Variants in CAV3 observed in about 807,000 individuals in gnomAD.
CAV3 encodes the protein caveolin 3, also known as caveolin-3.
In CAV3, 10 loss-of-function variants were observed where a neutral mutation model predicts 13.4. The observed-to-expected ratio is 0.75, with a 90% CI of 0.46 to 1.27. CAV3 has a LOEUF of 1.27. Among genes scored for constraint, CAV3 ranks in the 50% most tolerant of loss-of-function variants. The pLI is 0.00. For synonymous variants in CAV3, 90 were observed against 79.0 expected (o/e 1.14, Z -0.74); for missense variants, 162 against 194.0 (o/e 0.83, Z 0.98).
At chr3:8,738,930 T>C (rs1231108785) in intron 1 of CAV3, among the ~76,000 whole-genome samples, 2 of 152,166 alleles carry the variant, frequency 1.3e-5, no homozygotes, top group Admixed American at 1.3e-4. Context: ...AGAAGAATAA[T>C]GAACTATCGA....
rs905333301 is a variant in CAV3, at chr3:8,746,075, C to T, written c.*208C>T. The T allele has an allele frequency of 5.2e-5, 29 of 559,656 alleles. No homozygotes were observed. Among genetic ancestry groups the T allele is most frequent in the Non-Finnish European group, 8.9e-5 (28 of 313,044 alleles). 34.7% of individuals were successfully genotyped at this position (559,656 alleles called of 1,614,324 possible). A position where few individuals can be genotyped will look rare whatever the true frequency, so the allele number is the denominator to read the frequency against. ...GGCCCTTCGCTCTCCCCCAGCCCCA[C>T]CATGATGCCCCCATGCCTGGGCGTG... On this transcript the variant is annotated 3_prime_UTR_variant, in exon 2 of 2. Transcript: ENST00000343849.
At chr3:8,737,636 C>A (rs141021324) in intron 1 of CAV3, among the ~76,000 whole-genome samples, 69 of 152,304 alleles carry the variant, frequency 4.5e-4, no homozygotes, top group African/African-American at 1.6e-3. Context: ...AGCACACCCC[C>A]ATTTCTGTTG....
chr3:8,738,097 C>T (rs139067703), intron 1 of CAV3, among the ~76,000 whole-genome samples: 2 of 152,012 alleles, frequency 1.3e-5, no homozygotes, highest in African/African-American at 4.8e-5. Context: ...TCTTGACTCA[C>T]ACATAGGCCC....
intron 1 of CAV3, among the ~76,000 whole-genome samples, chr3:8,737,464 G>T (rs1218775381): frequency 2.0e-5 from 3 of 152,160 alleles, no homozygotes; most frequent in Non-Finnish European, 4.4e-5. Flanking sequence ...CCCCAGTAGA[G>T]GGGAGGCACC....
chr3:8,734,555 G>T (rs866549223), intron 1 of CAV3, among the ~76,000 whole-genome samples: 9 of 152,106 alleles, frequency 5.9e-5, no homozygotes, highest in African/African-American at 2.2e-4. Flanking sequence ...GGACAGGGCA[G>T]ACGGCACCCG....
intron 1 of CAV3, among the ~76,000 whole-genome samples, chr3:8,739,893 G>A (rs1277410241): frequency 6.6e-6 from 1 of 152,204 alleles, no homozygotes; most frequent in Non-Finnish European, 1.5e-5. Context: ...TGCAGCTACA[G>A]TCAGATGGTG....
In CAV3 at chr3:8,746,029, G is replaced by A; in HGVS notation, c.*162G>A. The A allele has an allele frequency of 1.6e-6, 1 of 613,756 alleles. No individual in the cohort carries two copies. The highest frequency in any genetic ancestry group is 2.8e-6 in the Non-Finnish European group (1 of 352,494). 38.0% of individuals were successfully genotyped at this position (613,756 alleles called of 1,614,324 possible). ...GTAGGGAAGCCAGAAAGAAAAGACGGCCCAGCCACAGAAGCACAATGGCCC... is the reference window on the plus strand; with the variant it reads ...GTAGGGAAGCCAGAAAGAAAAGACGACCCAGCCACAGAAGCACAATGGCCC... On this transcript the variant is annotated 3_prime_UTR_variant, in exon 2 of 2. Transcript: ENST00000343849.
rs887825910 is a variant in CAV3, at chr3:8,742,346, G to C, written c.115-3180G>C. The stretch of plus-strand genomic sequence containing the variant: ...AATAATTCAAATGTTAGCACCAATG[G>C]CTTCTGCAAACACCAAAAAAAAAAA... On this transcript the variant is annotated intron_variant, in intron 1 of 1. Transcript: ENST00000343849. 4.9e-5 allele frequency: 14 copies of C among 283,612 alleles called. No homozygotes were observed. In the Admixed American group the frequency reaches 6.6e-4, roughly 13 times the overall value. The allele number at this position is 283,612 out of a possible 1,614,324, so 17.6% of individuals were successfully genotyped here.
intron 1 of CAV3, among the ~76,000 whole-genome samples, chr3:8,743,048 C>T (rs1424945930): frequency 6.6e-6 from 1 of 151,962 alleles, no homozygotes; most frequent in Non-Finnish European, 1.5e-5. Flanking sequence ...AGCAAGAGAG[C>T]TGCCGGGTTC....
chr3:8,745,842 AGGT>A lies in CAV3; in HGVS notation c.436_438del (p.Val146del). On this transcript the variant is annotated inframe_deletion, in exon 2 of 2. Transcript: ENST00000343849. This position sits in a 1 kb window ranked among gnomAD's most constrained non-coding sequence, Gnocchi z 4.8. ...CTGGGCCAGGTCTGCAGCAGCATCA[AGGT>A]GGTGCTGCGGAAGGAGGTCTAAAGC... 2 of 1,613,038 alleles carry A rather than the reference AGGT, an allele frequency of 1.2e-6. No homozygotes were observed. The highest frequency in any genetic ancestry group is 1.7e-6 in the Non-Finnish European group (2 of 1,179,734).
intron 1 of CAV3, among the ~76,000 whole-genome samples, chr3:8,744,271 T>A (rs2124986580): frequency 6.9e-6 from 1 of 144,350 alleles, no homozygotes; most frequent in African/African-American, 2.7e-5. Context: ...AATTGACCAG[T>A]GGAATTTTTT....
chr3:8,746,152 G>A lies in CAV3; in HGVS notation c.*285G>A, dbSNP rs529652431. 1.3e-4 allele frequency: 53 copies of A among 400,394 alleles called. No individual in the cohort carries two copies. Among genetic ancestry groups the A allele is most frequent in the African/African-American group, 8.7e-4 (44 of 50,458 alleles). The allele number at this position is 400,394 out of a possible 1,614,324, so 24.8% of individuals were successfully genotyped here. A position where few individuals can be genotyped will look rare whatever the true frequency, so the allele number is the denominator to read the frequency against. ...CTACTGCAAGTCTTTGCGTTCACTT[G>A]TACTGTAACAACATAAACCAGCACG... On this transcript the variant is annotated 3_prime_UTR_variant, in exon 2 of 2. Transcript: ENST00000343849.
chr3:8,741,831 C>T (rs976391423), intron 1 of CAV3, among the ~76,000 whole-genome samples: 1 of 152,176 alleles, frequency 6.6e-6, no homozygotes, highest in African/African-American at 2.4e-5. Flanking sequence ...ACCTTCCCCG[C>T]CCTCTCAGAG....
intron 1 of CAV3, among the ~76,000 whole-genome samples, chr3:8,738,520 C>G (rs866289770): frequency 6.6e-5 from 10 of 152,170 alleles, no homozygotes; most frequent in African/African-American, 2.4e-4. Context: ...GGAGAAGGAG[C>G]TGAACACCGT....
In CAV3 at chr3:8,745,283, T is replaced by C. The variant is rs1397573960; in HGVS notation, c.115-243T>C. Among the ~76,000 whole-genome samples the C allele has an allele frequency of 6.6e-6, 1 of 152,166 alleles. No homozygotes were observed. The highest frequency in any genetic ancestry group is 1.5e-5 in the Non-Finnish European group (1 of 68,026). On this transcript the variant is annotated intron_variant, in intron 1 of 1. Transcript: ENST00000343849. The surrounding 1 kb of genome is among the most constrained non-coding windows in gnomAD (Gnocchi z 4.8). ...GCGGCCTCACCTGAAGCCAAGCAGATGCCAGCACCATGATTCCTGCACAGA... is the reference window on the plus strand; with the variant it reads ...GCGGCCTCACCTGAAGCCAAGCAGACGCCAGCACCATGATTCCTGCACAGA...
At chr3:8,736,313 C>G (rs1707752727) in intron 1 of CAV3, among the ~76,000 whole-genome samples, 1 of 152,188 alleles carries the variant, frequency 6.6e-6, no homozygotes, top group Non-Finnish European at 1.5e-5. Context: ...CAAAGCAGCA[C>G]TGTGCGTTAG....
rs1465452862 is a variant in CAV3 at position 8,745,895 on chromosome 3, G to A, written c.*28G>A. On this transcript the variant is annotated 3_prime_UTR_variant, in exon 2 of 2. Coordinates refer to ENST00000343849, the MANE Select transcript of CAV3 (RefSeq NM_033337.3). This position sits in a 1 kb window ranked among gnomAD's most constrained non-coding sequence, Gnocchi z 4.8. ...CCAGGTGGGGCAACAGCGGTGGCAG[G>A]GCAGGGGGTGGTGGGCCAGACTGGT... 6.3e-7 allele frequency: 1 copy of A among 1,590,384 alleles called. No individual in the cohort carries two copies.
At chr3:8,737,819 C>T (rs1707810944) in intron 1 of CAV3, among the ~76,000 whole-genome samples, 1 of 151,966 alleles carries the variant, frequency 6.6e-6, no homozygotes, top group African/African-American at 2.4e-5. Context: ...GGGCTCTCAG[C>T]TCACCAGCAG....
At chr3:8,744,489 G>T (rs1424413319) in intron 1 of CAV3, among the ~76,000 whole-genome samples, 2 of 142,200 alleles carry the variant, frequency 1.4e-5, no homozygotes, top group Non-Finnish European at 1.5e-5. Context: ...GTAGAGACAG[G>T]GTTTCACTGT....
Sources: allele counts gnomAD v4.1 joint callset (sites outside exome capture counted in the v4.1 genomes callset), GRCh38; gene constraint gnomAD v4.1.1; non-coding constraint Gnocchi (gnomAD v3.1); transcripts MANE v1.5; gene names NCBI Gene and HGNC (gene_info 2026-07-23, HGNC 2026-07-21).